The following LCLAT1 variants were observed in gnomAD, a reference collection of about 807,000 sequenced individuals.
LCLAT1 encodes 1-AGP acyltransferase 8.
In LCLAT1, 11 loss-of-function variants were observed where a neutral mutation model predicts 30.7. That is an observed-to-expected ratio of 0.36 (90% CI 0.23 to 0.59). LCLAT1 has a LOEUF of 0.59. Ranked by LOEUF, LCLAT1 falls within the 20% of genes least tolerant of loss-of-function variation. The pLI is 0.77. For missense variants in LCLAT1, 402 were observed against 458.6 expected, an observed-to-expected ratio of 0.88 and a Z score of 1.13; for synonymous variants, 155 against 151.3, an observed-to-expected ratio of 1.02 and a Z score of -0.18.
chr2:30,518,767 A>G (rs1266693209), intron 1 of LCLAT1, among the ~76,000 whole-genome samples: 1 of 152,184 alleles, frequency 6.6e-6, no homozygotes, highest in Non-Finnish European at 1.5e-5. Flanking sequence ...ATCCCTGTAC[A>G]TCCTGACTCT....
chr2:30,457,110 C>T (rs79477106), intron 1 of LCLAT1, among the ~76,000 whole-genome samples: 2 of 152,074 alleles, frequency 1.3e-5, no homozygotes, highest in South Asian at 2.1e-4. Flanking sequence ...AGAGGTTTGA[C>T]AGTATAGTGA....
intron 1 of LCLAT1, among the ~76,000 whole-genome samples, chr2:30,463,701 A>G (rs917981175): frequency 5.9e-5 from 9 of 152,220 alleles, no homozygotes; most frequent in Non-Finnish European, 1.3e-4. Context: ...TGAGCAGGCT[A>G]TATGCAAATA....
At chr2:30,604,720 C>T (rs1274478075) in intron 5 of LCLAT1, among the ~76,000 whole-genome samples, 2 of 146,694 alleles carry the variant, frequency 1.4e-5, no homozygotes, top group Admixed American at 6.8e-5. Flanking sequence ...TGTACAAACA[C>T]AGGTGGAATG....
Position 30,640,429 on chromosome 2 carries a change from A to G in LCLAT1, c.941A>G (p.Tyr314Cys). 1.9e-6 allele frequency: 3 copies of G among 1,614,156 alleles called. No homozygotes were observed. Among genetic ancestry groups the G allele is most frequent in the Non-Finnish European group, 2.5e-6 (3 of 1,180,022 alleles). Residue 314 changes from tyrosine (Y) to cysteine (C), a missense_variant, in exon 6 of 6, where the codon TAT becomes TGT. Transcript: ENST00000379509. ...VLVVKLLSIL[Y>C]WTLFSPAMCL... Reference sequence around the variant, plus strand: ...GTGGTCAAATTGCTCTCTATACTGTATTGGACCCTGTTCAGCCCTGCAATG... The same window carrying G: ...GTGGTCAAATTGCTCTCTATACTGTGTTGGACCCTGTTCAGCCCTGCAATG...
chr2:30,531,750 A>G (rs750649762), intron 2 of LCLAT1, among the ~76,000 whole-genome samples: 108 of 152,316 alleles, frequency 7.1e-4, no homozygotes, highest in Non-Finnish European at 4.3e-4. Context: ...TTTAGCTAAT[A>G]TTATTTTGAA....
chr2:30,477,018 CTAAAGACTTACTT>C (rs1483571364), intron 1 of LCLAT1, among the ~76,000 whole-genome samples: 4 of 152,192 alleles, frequency 2.6e-5, no homozygotes, highest in Non-Finnish European at 1.5e-5. Flanking sequence ...TTTACTTACT[CTAAAGACTTACTT>C]GATAGAATGA....
intron 2 of LCLAT1, among the ~76,000 whole-genome samples, chr2:30,530,664 G>A (rs965893981): frequency 2.0e-5 from 3 of 152,106 alleles, no homozygotes; most frequent in Admixed American, 6.5e-5. Flanking sequence ...TTCTGCCTCA[G>A]CCTCCTGCGT....
At chr2:30,509,754 G>A (rs1334860916) in intron 1 of LCLAT1, among the ~76,000 whole-genome samples, 1 of 152,012 alleles carries the variant, frequency 6.6e-6, no homozygotes, top group Non-Finnish European at 1.5e-5. Context: ...TTAGTAGAGT[G>A]GGGTTTTGCA....
At chr2:30,502,070 T>C (rs1056229676) in intron 1 of LCLAT1, among the ~76,000 whole-genome samples, 1 of 152,206 alleles carries the variant, frequency 6.6e-6, no homozygotes, top group Admixed American at 6.5e-5. Flanking sequence ...GCACACAATT[T>C]GGAAAATAAA....
chr2:30,480,791 G>A (rs1350996686), intron 1 of LCLAT1, among the ~76,000 whole-genome samples: 1 of 152,094 alleles, frequency 6.6e-6, no homozygotes, highest in African/African-American at 2.4e-5. Flanking sequence ...AAGTGTGCTG[G>A]GGTTTTTTGC....
chr2:30,546,395 A>C (rs1225311930), intron 3 of LCLAT1, among the ~76,000 whole-genome samples: 1 of 152,128 alleles, frequency 6.6e-6, no homozygotes, highest in Admixed American at 6.6e-5. Context: ...CTTTTTAGAG[A>C]TCATGAATAA....
chr2:30,487,849 C>A lies in LCLAT1; in HGVS notation c.-4-37738C>A, dbSNP rs549683451. 2.0e-4 allele frequency among the ~76,000 whole-genome samples: 30 copies of A among 152,240 alleles called. 1 individual carries two copies. The South Asian group carries it at 6.2e-3, about 32-fold the overall frequency. On this transcript the variant is annotated intron_variant, in intron 1 of 5. Coordinates refer to ENST00000379509, the MANE Select transcript of LCLAT1 (RefSeq NM_001002257.3). ...ATTTAAGTTGTACAGTCAGCACAGT[C>A]CTGTCTGAGAGAGTGACTCTTGGGC...
chr2:30,588,016 A>G (rs111335325), intron 5 of LCLAT1, among the ~76,000 whole-genome samples: 16 of 152,344 alleles, frequency 1.1e-4, no homozygotes, highest in African/African-American at 3.1e-4. Flanking sequence ...CAAATGTCCA[A>G]CAATAATTTC....
chr2:30,557,515 A>G (rs1022702531), intron 3 of LCLAT1, among the ~76,000 whole-genome samples: 5 of 151,930 alleles, frequency 3.3e-5, no homozygotes, highest in Non-Finnish European at 5.9e-5. Flanking sequence ...CCCAGGTTCA[A>G]GTGATTCTCC....
intron 5 of LCLAT1, among the ~76,000 whole-genome samples, chr2:30,637,177 C>T (rs563249895): frequency 1.3e-5 from 2 of 152,116 alleles, no homozygotes; most frequent in Admixed American, 1.3e-4. Flanking sequence ...GCACCTAAAA[C>T]AAGGATTATG....
chr2:30,463,124 C>CT (rs1682247427), intron 1 of LCLAT1, among the ~76,000 whole-genome samples: 1 of 151,624 alleles, frequency 6.6e-6, no homozygotes, highest in Admixed American at 6.6e-5. Context: ...AACTTGAATG[C>CT]TATATAAGTA....
chr2:30,626,402 G>A (rs1202662224), intron 5 of LCLAT1, among the ~76,000 whole-genome samples: 1 of 152,130 alleles, frequency 6.6e-6, no homozygotes, highest in Non-Finnish European at 1.5e-5. Flanking sequence ...AGGATTATGA[G>A]TACATGAATT....
In LCLAT1 at chr2:30,621,868, G is replaced by GT. The variant is rs759717551; in HGVS notation, c.629-18248dup. ...AGAAGGAATCTTCCAGCTGAACTTT[G>GT]TAACAACTTTGATGGAATGTGAAGT... On this transcript the variant is annotated intron_variant, in intron 5 of 5. Coordinates refer to ENST00000379509, the MANE Select transcript of LCLAT1 (RefSeq NM_001002257.3). Among the ~76,000 whole-genome samples, 42 of 152,190 alleles carry GT rather than the reference G, an allele frequency of 2.8e-4. 1 individual carries two copies. The highest frequency in any genetic ancestry group is 1.9e-4 in the Non-Finnish European group (13 of 68,030).
rs981529083 is a variant in LCLAT1, at chr2:30,527,972, A to G, written c.165+2217A>G. On this transcript the variant is annotated intron_variant, in intron 2 of 5. Coordinates refer to ENST00000379509, the MANE Select transcript of LCLAT1 (RefSeq NM_001002257.3). ...GTCCCTACGGTCCCTGATGTCATCA[A>G]AGGGTTCAGATGTCTTCTATCCTGT... Among the ~76,000 whole-genome samples the G allele has an allele frequency of 3.9e-5, 6 of 152,182 alleles. No individual in the cohort carries two copies. The East Asian group carries it at 1.2e-3, about 29-fold the overall frequency.
Sources: allele counts gnomAD v4.1 joint callset (sites outside exome capture counted in the v4.1 genomes callset), GRCh38; gene constraint gnomAD v4.1.1; transcripts MANE v1.5; gene names NCBI Gene and HGNC (gene_info 2026-07-23, HGNC 2026-07-21).